The following RAF1 variants were observed in gnomAD, a reference collection of about 807,000 sequenced individuals.
The protein encoded by RAF1 is Raf-1 proto-oncogene, serine/threonine kinase, also known as RAF proto-oncogene serine/threonine-protein kinase.
A neutral mutation model predicts 81.1 loss-of-function variants in RAF1; 27 were observed. That is an observed-to-expected ratio of 0.33 (90% CI 0.25 to 0.46). The LOEUF (loss-of-function observed/expected upper bound fraction) is 0.46, where lower values mean the gene tolerates loss of function less well. RAF1 is among the 20% of genes least tolerant of loss of function. The pLI is 1.00. For synonymous variants in RAF1, 298 were observed against 294.0 expected (o/e 1.01, Z -0.14); for missense variants, 598 against 826.0 (o/e 0.72, Z 3.38).
chr3:12,603,602 T>C lies in RAF1; in HGVS notation c.835-65A>G, dbSNP rs1366285062. On this transcript the variant is annotated intron_variant, in intron 7 of 17. Transcript: ENST00000442415. ...AAAGGAAGTATTTAAGTGTATTCAG[T>C]TGTTATTAAAGATGAAGCAGAAAGC... 1.4e-5 allele frequency: 9 copies of C among 653,358 alleles called. No homozygotes were observed. The East Asian group carries it at 1.9e-4, about 14-fold the overall frequency. 40.5% of individuals were successfully genotyped at this position (653,358 alleles called of 1,614,324 possible).
chr3:12,600,684 C>A (rs917624941), intron 8 of RAF1, among the ~76,000 whole-genome samples: 13 of 152,166 alleles, frequency 8.5e-5, no homozygotes, highest in Admixed American at 2.0e-4. Flanking sequence ...GCCTCAGTCT[C>A]CCGAGTAGCT....
At position 12,625,308 on chromosome 3, in the gene RAF1, C is replaced by G. The variant is rs1254216400; in HGVS notation, c.-26-6561G>C. The stretch of plus-strand genomic sequence containing the variant: ...ATGTTGCCCAGGCTGGTCTTGAACT[C>G]CCAACCTCAGGTGATCCACCCACCT... On this transcript the variant is annotated intron_variant, in intron 1 of 17. Transcript: ENST00000442415. 2.0e-5 allele frequency among the ~76,000 whole-genome samples: 3 copies of G among 152,074 alleles called. No individual in the cohort carries two copies. The East Asian group carries it at 5.8e-4, about 29-fold the overall frequency.
chr3:12,596,953 GA>G (rs2058705695), intron 11 of RAF1, among the ~76,000 whole-genome samples: 1 of 151,812 alleles, frequency 6.6e-6, no homozygotes, highest in Admixed American at 6.6e-5. Flanking sequence ...GGCTGAAGTG[GA>G]GTGGCACGAT....
intron 2 of RAF1, 113 bp from the exon 3 acceptor site, chr3:12,612,175 C>A: frequency 2.5e-6 from 2 of 799,690 alleles, no homozygotes; most frequent in Non-Finnish European, 4.4e-6. Context: ...CACGCACACA[C>A]ACATATACGA....
chr3:12,595,102 C>G (rs1173638663), intron 11 of RAF1, among the ~76,000 whole-genome samples: 1 of 152,188 alleles, frequency 6.6e-6, no homozygotes, highest in Non-Finnish European at 1.5e-5. Flanking sequence ...GGCTCTTGCT[C>G]TGTCACCGAG....
At chr3:12,658,894 C>T (rs1363955883) in intron 1 of RAF1, among the ~76,000 whole-genome samples, 1 of 152,116 alleles carries the variant, frequency 6.6e-6, no homozygotes, top group Non-Finnish European at 1.5e-5. Context: ...AAACCACTAA[C>T]AAAGAAACAA....
chr3:12,606,628 C>T (rs886388695), intron 5 of RAF1, among the ~76,000 whole-genome samples: 5 of 152,008 alleles, frequency 3.3e-5, no homozygotes, highest in Admixed American at 3.3e-4. Context: ...GCAACCTCCA[C>T]CTCCCGGGTT....
chr3:12,601,140 A>C (rs560630926), intron 8 of RAF1, among the ~76,000 whole-genome samples: 1 of 152,348 alleles, frequency 6.6e-6, no homozygotes, highest in African/African-American at 2.4e-5. Context: ...TATATACTTT[A>C]TCCAAGCCTA....
Position 12,592,053 on chromosome 3 carries a change from T to C in RAF1, c.1169-261A>G, listed in dbSNP as rs2442808. ...TTGGCCTCCCAAAGTGCTGGGATTATAGGTCCAATCTCTACATAATTCAAA... is the reference window on the plus strand; with the variant it reads ...TTGGCCTCCCAAAGTGCTGGGATTACAGGTCCAATCTCTACATAATTCAAA... On this transcript the variant is annotated intron_variant, in intron 11 of 17. Coordinates refer to ENST00000442415, the MANE Select transcript of RAF1 (RefSeq NM_001354689.3). 0.56 allele frequency: 287,455 copies of C among 515,412 alleles called. 88,402 individuals carry two copies. Among genetic ancestry groups the C allele is most frequent in the African/African-American group, 0.91 (47,119 of 52,024 alleles). 31.9% of individuals were successfully genotyped at this position (515,412 alleles called of 1,614,324 possible).
chr3:12,591,649 G>C (rs2058517818), intron 12 of RAF1, 59 bp downstream of exon 11: 1 of 1,459,308 alleles, frequency 6.9e-7, no homozygotes, highest in African/African-American at 1.4e-5. Context: ...TAACTCTACA[G>C]TCCTTGTACT....
chr3:12,592,377 T>C (rs573081592), intron 11 of RAF1, among the ~76,000 whole-genome samples: 52 of 152,220 alleles, frequency 3.4e-4, no homozygotes, highest in Non-Finnish European at 6.9e-4. Flanking sequence ...TTCAGAGATA[T>C]ATATTGAAAT....
At position 12,631,160 on chromosome 3, in the gene RAF1, T is replaced by G. The variant is rs548613754; in HGVS notation, c.-26-12413A>C. 2.0e-5 allele frequency among the ~76,000 whole-genome samples: 3 copies of G among 152,204 alleles called. No homozygotes were observed. The South Asian group carries it at 6.2e-4, about 32-fold the overall frequency. On this transcript the variant is annotated intron_variant, in intron 1 of 17. Coordinates refer to ENST00000442415, the MANE Select transcript of RAF1 (RefSeq NM_001354689.3). ...CAAAACTCAGTCTCTACAAAAAAAT[T>G]TAAAAACTGGCCAGGCGTGGTGGCT...
chr3:12,586,505 TCTG>T (rs2058338353), intron 14 of RAF1, among the ~76,000 whole-genome samples: 1 of 152,192 alleles, frequency 6.6e-6, no homozygotes, highest in Admixed American at 6.5e-5. Flanking sequence ...ATCTGTGGTG[TCTG>T]CTTTCATGGT....
chr3:12,628,575 G>A (rs185534465), intron 1 of RAF1, among the ~76,000 whole-genome samples: 34 of 151,814 alleles, frequency 2.2e-4, no homozygotes, highest in African/African-American at 7.7e-4. Context: ...TTTCATTATC[G>A]TGTTAATAAG....
At chr3:12,585,547 C>T (rs1312249190) in intron 15 of RAF1, 134 bp downstream of exon 14, 4 of 1,354,374 alleles carry the variant, frequency 3.0e-6, no homozygotes, top group African/African-American at 2.9e-5. Flanking sequence ...TACAATTGCC[C>T]TGAGGCTGGC....
In RAF1 at chr3:12,598,725, C is replaced by CAAAAAA. The variant is rs59472802; in HGVS notation, c.1168+960_1168+965dup. ...TGGGCAACAGAGCAAGAATCTATCT[C>CAAAAAA]AAAAAAAAAAAAAAAAAAAAAAAAA... is the stretch of plus-strand genomic sequence containing the variant. On this transcript the variant is annotated intron_variant, in intron 11 of 17. Transcript: ENST00000442415. Among the ~76,000 whole-genome samples the CAAAAAA allele has an allele frequency of 1.2e-3, 76 of 61,992 alleles. 2 individuals carry two copies. Among genetic ancestry groups the CAAAAAA allele is most frequent in the African/African-American group, 3.4e-3 (63 of 18,742 alleles). 40.7% of individuals were successfully genotyped at this position (61,992 alleles called of 152,430 possible).
At chr3:12,620,379 G>T (rs548951815) in intron 1 of RAF1, among the ~76,000 whole-genome samples, 1 of 152,200 alleles carries the variant, frequency 6.6e-6, no homozygotes, top group East Asian at 1.9e-4. Flanking sequence ...TGATCTGTCC[G>T]CCTCGGCCTC....
chr3:12,643,227 C>T (rs993350854), intron 1 of RAF1, among the ~76,000 whole-genome samples: 2 of 152,078 alleles, frequency 1.3e-5, no homozygotes, highest in African/African-American at 4.8e-5. Flanking sequence ...ATTCTGCTGG[C>T]TAAGGCAAAA....
At chr3:12,611,568 T>C (rs920324059) in intron 3 of RAF1, among the ~76,000 whole-genome samples, 5 of 152,064 alleles carry the variant, frequency 3.3e-5, no homozygotes, top group South Asian at 2.1e-4. Flanking sequence ...GGCGCGGTGG[T>C]GGGCGCCTGT....
Sources: gnomAD v4.1 joint callset for allele counts (sites outside exome capture counted in the v4.1 genomes callset) on GRCh38, gnomAD v4.1.1 for gene constraint, MANE v1.5 for transcripts, NCBI Gene and HGNC (gene_info 2026-07-23, HGNC 2026-07-21) for gene names.